Variants in VWA3B observed in about 807,000 individuals in gnomAD.
The protein encoded by VWA3B is von Willebrand factor A domain-containing protein 3B.
A neutral mutation model predicts 158.3 loss-of-function variants in VWA3B; 138 were observed. The ratio of observed to expected loss-of-function variants is 0.87; its 90% CI spans 0.76 to 1.00. VWA3B has a LOEUF of 1.00. Ranked by LOEUF, VWA3B falls within the 50% of genes least tolerant of loss-of-function variation. VWA3B has a pLI of 0.00. For missense variants in VWA3B, 1,555 were observed against 1,565.1 expected, an observed-to-expected ratio of 0.99 and a Z score of 0.11; for synonymous variants, 596 against 587.3, an observed-to-expected ratio of 1.01 and a Z score of -0.21.
intron 7 of VWA3B, among the ~76,000 whole-genome samples, chr2:98,156,553 G>C (rs1448273049): frequency 6.6e-6 from 1 of 152,098 alleles, no homozygotes; most frequent in Non-Finnish European, 1.5e-5. Flanking sequence ...TTGGTTGATG[G>C]GAAATCAAGG....
At chr2:98,189,896 C>A (rs1238782824) in intron 10 of VWA3B, among the ~76,000 whole-genome samples, 2 of 152,010 alleles carry the variant, frequency 1.3e-5, no homozygotes, top group Admixed American at 6.5e-5. Context: ...TTTTATTATT[C>A]TTTTTTTCTA....
intron 13 of VWA3B, among the ~76,000 whole-genome samples, chr2:98,214,015 A>G (rs1294746241): frequency 1.3e-5 from 2 of 151,936 alleles, no homozygotes; most frequent in African/African-American, 2.4e-5. Flanking sequence ...ACATATTGAG[A>G]CCCTGTCTCT....
At chr2:98,198,574 A>T (rs180868518) in intron 12 of VWA3B, among the ~76,000 whole-genome samples, 31 of 151,764 alleles carry the variant, frequency 2.0e-4, no homozygotes, top group African/African-American at 7.5e-4. Context: ...CTTTTTGGTG[A>T]TAGTTCATGG....
chr2:98,210,300 G>T, intron 12 of VWA3B, among the ~76,000 whole-genome samples: 1 of 152,080 alleles, frequency 6.6e-6, no homozygotes, highest in East Asian at 1.9e-4. Flanking sequence ...GTCTCCCCTA[G>T]AAGATGTATT....
intron 7 of VWA3B, among the ~76,000 whole-genome samples, chr2:98,149,400 C>A (rs796093892): frequency 2.4e-4 from 37 of 152,262 alleles, no homozygotes; most frequent in African/African-American, 7.9e-4. Context: ...ATAGGGGCTC[C>A]AGAGCCCAGT....
intron 23 of VWA3B, among the ~76,000 whole-genome samples, chr2:98,292,657 T>C (rs1263010253): frequency 2.0e-5 from 3 of 152,060 alleles, no homozygotes; most frequent in African/African-American, 4.8e-5. Flanking sequence ...GCTAAACTAG[T>C]AGTCGAATGA....
At chr2:98,224,653 A>C (rs1436506826) in intron 14 of VWA3B, among the ~76,000 whole-genome samples, 4 of 152,200 alleles carry the variant, frequency 2.6e-5, no homozygotes, top group African/African-American at 9.6e-5. Context: ...TGAGAAAACA[A>C]ACCATAAAAT....
rs189606695 is a variant in VWA3B at position 98,195,203 on chromosome 2, C to T, written c.1737+711C>T. ...TGGTGCACACCTGTAGTCCCAGCTC[C>T]TTGGGAGGCTGAGGTAGGAGGATCG... On this transcript the variant is annotated intron_variant, in intron 12 of 27. Transcript: ENST00000477737. 1.0e-3 allele frequency among the ~76,000 whole-genome samples: 154 copies of T among 152,302 alleles called. 3 individuals carry two copies. The highest frequency in any genetic ancestry group is 9.7e-3 in the Admixed American group (149 of 15,298).
intron 5 of VWA3B, among the ~76,000 whole-genome samples, chr2:98,123,648 C>T (rs1003770391): frequency 1.3e-5 from 2 of 152,186 alleles, no homozygotes; most frequent in Admixed American, 6.5e-5. Context: ...GAACCTGGCT[C>T]ACTGGGAGGG....
chr2:98,180,010 TTTTC>T (rs947319625), intron 8 of VWA3B, among the ~76,000 whole-genome samples: 1 of 145,890 alleles, frequency 6.9e-6, no homozygotes, highest in African/African-American at 2.5e-5. Flanking sequence ...TCCCTTTCTA[TTTTC>T]TTTCTTTTTC....
intron 12 of VWA3B, among the ~76,000 whole-genome samples, chr2:98,196,551 A>C (rs1682059584): frequency 6.6e-6 from 1 of 152,180 alleles, no homozygotes; most frequent in Non-Finnish European, 1.5e-5. Context: ...AAACAAGCAT[A>C]GGCGTTCCTA....
chr2:98,228,363 G>A (rs550361986), intron 15 of VWA3B, 31 bp downstream of exon 15: 13 of 1,597,568 alleles, frequency 8.1e-6, no homozygotes, highest in Admixed American at 3.5e-5. Flanking sequence ...GTCTCCCTGC[G>A]CTGAGGCCTC....
rs148276372 is a variant in VWA3B, at chr2:98,247,092, G to A, written c.2674-3226G>A. On this transcript the variant is annotated intron_variant, in intron 19 of 27. Coordinates refer to ENST00000477737, the MANE Select transcript of VWA3B (RefSeq NM_144992.5). Reference sequence around the variant, plus strand: ...GGCTCACTGAAACCTCCACCTCCTGGGTTTAAGTGATTCTCCTGCCTCAGC... The same window carrying A: ...GGCTCACTGAAACCTCCACCTCCTGAGTTTAAGTGATTCTCCTGCCTCAGC... Among the ~76,000 whole-genome samples, 911 of 151,842 alleles carry A rather than the reference G, an allele frequency of 6.0e-3. 5 individuals carry two copies. The highest frequency in any genetic ancestry group is 8.6e-3 in the Non-Finnish European group (585 of 67,956).
In VWA3B at chr2:98,187,791, A is replaced by C. The variant is rs368956266; in HGVS notation, c.1312-184A>C. Among the ~76,000 whole-genome samples, 53 of 151,936 alleles carry C rather than the reference A, an allele frequency of 3.5e-4. No individual in the cohort carries two copies. The East Asian group carries it at 5.8e-3, about 17-fold the overall frequency. Reference sequence around the variant, plus strand: ...TATCTTTCTGGCCTATGTTCATGACATCTAGTGCAGGGCTCCATAGGAAGC... The same window carrying C: ...TATCTTTCTGGCCTATGTTCATGACCTCTAGTGCAGGGCTCCATAGGAAGC... On this transcript the variant is annotated intron_variant, in intron 9 of 27. Coordinates refer to ENST00000477737, the MANE Select transcript of VWA3B (RefSeq NM_144992.5).
At chr2:98,205,831 T>C (rs1057030690) in intron 12 of VWA3B, among the ~76,000 whole-genome samples, 6 of 152,258 alleles carry the variant, frequency 3.9e-5, no homozygotes, top group African/African-American at 1.4e-4. Context: ...TGTGGAAATT[T>C]TCATGTTGTC....
the VWA3B span, among the ~76,000 whole-genome samples, chr2:98,327,837 C>T: frequency 1.3e-5 from 2 of 152,268 alleles, no homozygotes; most frequent in African/African-American, 2.4e-5. Context: ...AACAAGCATA[C>T]GTTCAGCCAT....
At chr2:98,131,279 G>A (rs1229099572) in intron 6 of VWA3B, among the ~76,000 whole-genome samples, 2 of 152,160 alleles carry the variant, frequency 1.3e-5, no homozygotes, top group Non-Finnish European at 2.9e-5. Flanking sequence ...TGCAAATGAC[G>A]GCATTTCCTT....
At chr2:98,212,164 C>A (rs910662278) in intron 13 of VWA3B, 136 bp downstream of exon 13, 3 of 639,572 alleles carry the variant, frequency 4.7e-6, no homozygotes, top group Non-Finnish European at 8.2e-6. Context: ...GGACTCAGAT[C>A]TGAGGTGAGA....
chr2:98,250,189 G>A, intron 19 of VWA3B, 129 bp from the exon 20 acceptor site: 1 of 634,286 alleles, frequency 1.6e-6, no homozygotes, highest in Admixed American at 3.3e-5. Context: ...GTTTTCTAAT[G>A]TTCTACATTT....
Sources: allele counts gnomAD v4.1 joint callset (sites outside exome capture counted in the v4.1 genomes callset), GRCh38; gene constraint gnomAD v4.1.1; transcripts MANE v1.5; gene names NCBI Gene and HGNC (gene_info 2026-07-23, HGNC 2026-07-21).